The following NCAM2 variants were observed in gnomAD, a reference collection of about 807,000 sequenced individuals.
The protein encoded by NCAM2 is N-CAM-2.
Under a neutral mutation model 98.1 loss-of-function variants are expected in NCAM2, and 30 were observed. The observed-to-expected ratio is 0.31, with a 90% CI of 0.23 to 0.41. The LOEUF is 0.41. NCAM2 is among the 10% of genes least tolerant of loss of function. The pLI is 1.00. For missense variants in NCAM2, 867 were observed against 1,005.8 expected (o/e 0.86, Z 1.87); for synonymous variants, 368 against 342.4 (o/e 1.07, Z -0.83).
chr21:21,265,204 G>A (rs1394504133), intron 1 of NCAM2, among the ~76,000 whole-genome samples: 4 of 119,988 alleles, frequency 3.3e-5, no homozygotes, highest in African/African-American at 1.2e-4. Flanking sequence ...GTGTATGTAT[G>A]TGTGTATATA....
intron 1 of NCAM2, among the ~76,000 whole-genome samples, chr21:21,274,314 A>G (rs985099244): frequency 2.6e-5 from 4 of 152,238 alleles, no homozygotes; most frequent in African/African-American, 7.2e-5. Flanking sequence ...GAGGAACTAC[A>G]CTAAAATCTT....
chr21:21,106,314 CAAA>C (rs202018731), intron 1 of NCAM2, among the ~76,000 whole-genome samples: 55 of 103,420 alleles, frequency 5.3e-4, no homozygotes, highest in Non-Finnish European at 7.2e-4. Context: ...GTCTCAAAAG[CAAA>C]AAAAAAAAAA....
intron 1 of NCAM2, among the ~76,000 whole-genome samples, chr21:21,095,280 G>A (rs1184247391): frequency 6.6e-6 from 1 of 151,594 alleles, no homozygotes; most frequent in Non-Finnish European, 1.5e-5. Flanking sequence ...ATCCAAGGAA[G>A]AAATCCAAGG....
chr21:21,524,294 T>C (rs13049184), intron 16 of NCAM2, among the ~76,000 whole-genome samples: 70,414 of 151,752 alleles, frequency 0.46, 16,631 homozygotes, highest in South Asian at 0.56. Flanking sequence ...CTTTAACATG[T>C]ATATGTTTAA....
intron 1 of NCAM2, among the ~76,000 whole-genome samples, chr21:21,122,299 T>A (rs2066692101): frequency 6.6e-6 from 1 of 152,172 alleles, no homozygotes; most frequent in Non-Finnish European, 1.5e-5. Context: ...GAATGGCACA[T>A]GGTTAAATAT....
Position 21,413,161 on chromosome 21 carries a change from A to G in NCAM2, c.1383+2700A>G, listed in dbSNP as rs372836427. On this transcript the variant is annotated intron_variant, in intron 10 of 17. Transcript: ENST00000400546. ...CAAAACTTTATTTTTTTAACTGACC[A>G]CATCCTGAGGAAATTACAAAACTTT... is the stretch of plus-strand genomic sequence containing the variant. Among the ~76,000 whole-genome samples the G allele has an allele frequency of 1.0e-3, 153 of 152,278 alleles. 5 individuals carry two copies. In the South Asian group the frequency reaches 0.029, roughly 29 times the overall value.
chr21:21,126,857 CA>C (rs1009325483), intron 1 of NCAM2, among the ~76,000 whole-genome samples: 1 of 151,918 alleles, frequency 6.6e-6, no homozygotes, highest in African/African-American at 2.4e-5. Flanking sequence ...AGGTCATTGT[CA>C]TTTTTTTGTA....
chr21:21,418,346 A>T (rs2077036349), intron 10 of NCAM2, 127 bp from the exon 11 acceptor site: 2 of 659,546 alleles, frequency 3.0e-6, no homozygotes, highest in Admixed American at 5.4e-5. Flanking sequence ...AAAGAAAATT[A>T]AAAATATATG....
At chr21:21,081,971 C>T (rs1292125062) in intron 1 of NCAM2, among the ~76,000 whole-genome samples, 3 of 151,886 alleles carry the variant, frequency 2.0e-5, no homozygotes, top group South Asian at 2.1e-4. Flanking sequence ...GGCGCGGTGG[C>T]TCACGGCTGT....
rs527909127 is a variant in NCAM2, at chr21:21,541,106, A to G, written c.*3149A>G. On this transcript the variant is annotated 3_prime_UTR_variant, in exon 18 of 18. Coordinates refer to ENST00000400546, the MANE Select transcript of NCAM2 (RefSeq NM_004540.5). Reference sequence around the variant, plus strand: ...GTCTTTGAATTAAATATTTATATAAATAGATTTTATTAATCAAATTATTTA... The same window carrying G: ...GTCTTTGAATTAAATATTTATATAAGTAGATTTTATTAATCAAATTATTTA... 8 of 150,604 alleles carry G rather than the reference A, an allele frequency of 5.3e-5. No individual in the cohort carries two copies. Among genetic ancestry groups the G allele is most frequent in the Non-Finnish European group, 8.9e-5 (6 of 67,286 alleles). The allele number at this position is 150,604 out of a possible 1,614,324, so 9.3% of individuals were successfully genotyped here. A position where few individuals can be genotyped will look rare whatever the true frequency, so the allele number is the denominator to read the frequency against.
At chr21:21,421,700 CTAATATAT>C (rs2145973441) in intron 11 of NCAM2, among the ~76,000 whole-genome samples, 1 of 152,046 alleles carries the variant, frequency 6.6e-6, no homozygotes, top group Non-Finnish European at 1.5e-5. Context: ...TAAATATTTC[CTAATATAT>C]GAGGATACCA....
At chr21:21,300,222 A>G (rs1309122841) in intron 5 of NCAM2, among the ~76,000 whole-genome samples, 1 of 151,986 alleles carries the variant, frequency 6.6e-6, no homozygotes, top group Non-Finnish European at 1.5e-5. Context: ...GTGAGAGACA[A>G]TCCCCTGCAC....
chr21:21,327,050 T>G (rs967522040), intron 6 of NCAM2, among the ~76,000 whole-genome samples: 3 of 152,138 alleles, frequency 2.0e-5, no homozygotes, highest in Non-Finnish European at 4.4e-5. Flanking sequence ...TACCACCCAC[T>G]GGGTAGTTCA....
At chr21:21,112,282 T>G (rs528709703) in intron 1 of NCAM2, among the ~76,000 whole-genome samples, 1 of 152,324 alleles carries the variant, frequency 6.6e-6, no homozygotes, top group Non-Finnish European at 1.5e-5. Context: ...CATATTTTGC[T>G]TCTTTTTCAG....
chr21:21,328,259 AG>A (rs774283846), intron 6 of NCAM2, among the ~76,000 whole-genome samples: 53 of 152,290 alleles, frequency 3.5e-4, no homozygotes, highest in Non-Finnish European at 6.3e-4. Flanking sequence ...AATATATAAA[AG>A]CATATACATA....
chr21:21,276,004 C>A (rs2072715084), intron 1 of NCAM2, among the ~76,000 whole-genome samples: 1 of 152,104 alleles, frequency 6.6e-6, no homozygotes, highest in African/African-American at 2.4e-5. Flanking sequence ...TACTGACCTA[C>A]TAATTTCCTA....
chr21:21,132,578 A>T (rs1036064978), intron 1 of NCAM2, among the ~76,000 whole-genome samples: 3 of 152,162 alleles, frequency 2.0e-5, no homozygotes, highest in African/African-American at 4.8e-5. Context: ...TTCTAATTTC[A>T]GATTGTAGCA....
chr21:21,398,418 AAATT>A, intron 9 of NCAM2, among the ~76,000 whole-genome samples: 1 of 152,320 alleles, frequency 6.6e-6, no homozygotes, highest in East Asian at 1.9e-4. Flanking sequence ...TTGAAATAAA[AAATT>A]AAAATTAAAA....
At chr21:21,017,951 C>T (rs1255979293) in intron 1 of NCAM2, among the ~76,000 whole-genome samples, 1 of 151,996 alleles carries the variant, frequency 6.6e-6, no homozygotes, top group African/African-American at 2.4e-5. Flanking sequence ...TATGCTGTAT[C>T]AAATTCTTTC....
Sources: gnomAD v4.1 joint callset for allele counts (sites outside exome capture counted in the v4.1 genomes callset) on GRCh38, gnomAD v4.1.1 for gene constraint, MANE v1.5 for transcripts, NCBI Gene and HGNC (gene_info 2026-07-23, HGNC 2026-07-21) for gene names.